NR1D2: variants seen among roughly 807,000 people sequenced by gnomAD.
NR1D2 encodes the protein nuclear receptor subfamily 1 group D member 2, also known as V-erbA-related protein 1-related.
In NR1D2, 25 loss-of-function variants were observed where a neutral mutation model predicts 52.2. The ratio of observed to expected loss-of-function variants is 0.48; its 90% CI spans 0.35 to 0.67. The LOEUF (loss-of-function observed/expected upper bound fraction) is 0.67. Ranked by LOEUF, NR1D2 falls within the 30% of genes least tolerant of loss-of-function variation. The pLI is 0.01. For synonymous variants in NR1D2, 259 were observed against 230.1 expected, an observed-to-expected ratio of 1.13 and a Z score of -1.14; for missense variants, 681 against 707.2, an observed-to-expected ratio of 0.96 and a Z score of 0.42.
At position 23,977,388 on chromosome 3, in the gene NR1D2, A is replaced by G; in HGVS notation, c.1709A>G (p.Glu570Gly). ...CGATCTTTAAACAACATGCACTCTG[A>G]GGAGCTCTTGGCCTTTAAAGTTCAC... is the stretch of plus-strand genomic sequence containing the variant. ...DLRSLNNMHS[E>G]ELLAFKVHP The change falls in exon 8 of 8, where the codon GAG becomes GGG. Residue 570 changes from glutamate to glycine, a missense_variant. This residue lies in a region of NR1D2 where 475 missense variants were observed against 454.5 expected (regional missense o/e 1.05). Coordinates refer to ENST00000312521, the MANE Select transcript of NR1D2 (RefSeq NM_005126.5). 2 of 1,609,076 alleles carry G rather than the reference A, an allele frequency of 1.2e-6. No homozygotes were observed. The highest frequency in any genetic ancestry group is 1.7e-6 in the Non-Finnish European group (2 of 1,178,106).
rs777900202 is a variant in NR1D2 at position 23,967,948 on chromosome 3, A to C, written c.1468A>C (p.Ser490Arg). 1.9e-6 allele frequency: 3 copies of C among 1,614,196 alleles called. No homozygotes were observed. Among genetic ancestry groups the C allele is most frequent in the Admixed American group, 1.7e-5 (1 of 60,028 alleles). The stretch of plus-strand genomic sequence containing the variant: ...TCTGCTAAACTCTATGTTTGAATTT[A>C]GTGAGAAGCTAAATGCCCTCCAACT... ...GDLLNSMFEF[S>R]EKLNALQLSD... The change falls in exon 7 of 8, where the codon AGT (serine) becomes CGT (arginine). Residue 490 changes from serine (S) to arginine (R), a missense_variant. This residue lies in a region of NR1D2 where 475 missense variants were observed against 454.5 expected (regional missense o/e 1.05). Coordinates refer to ENST00000312521, the MANE Select transcript of NR1D2 (RefSeq NM_005126.5).
intron 1 of NR1D2, among the ~76,000 whole-genome samples, chr3:23,951,230 C>T (rs1705922616): frequency 1.3e-5 from 2 of 152,128 alleles, no homozygotes; most frequent in African/African-American, 2.4e-5. Flanking sequence ...AAGTTTATTT[C>T]TTAGCTAAGG....
At position 23,959,825 on chromosome 3, in the gene NR1D2, C is replaced by A. The variant is rs780841458; in HGVS notation, c.517+10C>A. 3 of 1,609,172 alleles carry A rather than the reference C, an allele frequency of 1.9e-6. No homozygotes were observed. The highest frequency in any genetic ancestry group is 2.7e-5 in the African/African-American group (2 of 74,882). ...GGAATGTCAAGAGATGGTATGTTCCCAGTTTAAAGAGTGTTCCTAAAGTGT... is the reference window on the plus strand; with the variant it reads ...GGAATGTCAAGAGATGGTATGTTCCAAGTTTAAAGAGTGTTCCTAAAGTGT... On this transcript the variant is annotated intron_variant, in intron 4 of 7. Transcript: ENST00000312521.
chr3:23,960,977 C>T (rs1486128240), intron 4 of NR1D2, among the ~76,000 whole-genome samples: 1 of 152,138 alleles, frequency 6.6e-6, no homozygotes, highest in Non-Finnish European at 1.5e-5. Context: ...AGACAAGACA[C>T]CTTCTAAGAC....
chr3:23,962,354 G>A lies in NR1D2; in HGVS notation c.895G>A (p.Asp299Asn). 1 of 1,614,104 alleles carries A rather than the reference G, an allele frequency of 6.2e-7. No individual in the cohort carries two copies. The highest frequency in any genetic ancestry group is 8.5e-7 in the Non-Finnish European group (1 of 1,179,992). ...KNMEQYNLNH[D>N]HCGNGLSSHF... Reference sequence around the variant, plus strand: ...CATGGAGCAATATAATTTAAATCATGATCATTGCGGCAATGGGCTTAGCAG... The same window carrying A: ...CATGGAGCAATATAATTTAAATCATAATCATTGCGGCAATGGGCTTAGCAG... The change falls in exon 5 of 8, where the codon GAT becomes AAT. Residue 299 changes from aspartate (D) to asparagine (N), a missense_variant. Physicochemically the swap from Asp to Asn is conservative, Grantham distance 23 (BLOSUM62 1). Coordinates refer to ENST00000312521, the MANE Select transcript of NR1D2 (RefSeq NM_005126.5).
At chr3:23,971,946 A>G (rs1706601838) in intron 7 of NR1D2, among the ~76,000 whole-genome samples, 1 of 152,204 alleles carries the variant, frequency 6.6e-6, no homozygotes, top group African/African-American at 2.4e-5. Context: ...TCACACAGTG[A>G]GGTTGAAATG....
chr3:23,948,673 C>T (rs1445545132), intron 1 of NR1D2, among the ~76,000 whole-genome samples: 1 of 152,206 alleles, frequency 6.6e-6, no homozygotes, highest in African/African-American at 2.4e-5. Flanking sequence ...TTGCCACCAT[C>T]TTAATGATGC....
chr3:23,964,549 C>T (rs1706387929), intron 5 of NR1D2, among the ~76,000 whole-genome samples: 1 of 152,140 alleles, frequency 6.6e-6, no homozygotes, highest in African/African-American at 2.4e-5. Flanking sequence ...ATCACTAAAC[C>T]TCTCAGAGTC....
intron 7 of NR1D2, among the ~76,000 whole-genome samples, chr3:23,976,031 T>G (rs1706715618): frequency 6.6e-6 from 1 of 152,234 alleles, no homozygotes; most frequent in Non-Finnish European, 1.5e-5. Flanking sequence ...CCATTGAATA[T>G]TTTTGTATAC....
intron 7 of NR1D2, among the ~76,000 whole-genome samples, chr3:23,974,783 G>A (rs1706680226): frequency 6.6e-6 from 1 of 150,886 alleles, no homozygotes; most frequent in African/African-American, 2.4e-5. Flanking sequence ...CTGAAAAATT[G>A]TGACCCTCCC....
intron 3 of NR1D2, among the ~76,000 whole-genome samples, chr3:23,959,081 A>G (rs1385354158): frequency 1.3e-5 from 2 of 152,170 alleles, no homozygotes; most frequent in Admixed American, 6.5e-5. Flanking sequence ...CAGCCTAGGC[A>G]ACATGGCAAA....
chr3:23,963,183 C>T (rs777114378), intron 5 of NR1D2: 2 of 986,150 alleles, frequency 2.0e-6, no homozygotes, highest in Non-Finnish European at 2.9e-6. Flanking sequence ...ATCATTGAAG[C>T]TTTTCTATTT....
chr3:23,946,411 G>A (rs951553896), intron 1 of NR1D2: 1 of 552,998 alleles, frequency 1.8e-6, no homozygotes, highest in Non-Finnish European at 2.3e-6. Context: ...TTTCCCGAAG[G>A]GATACGCTCG....
rs755606244 is a variant in NR1D2, at chr3:23,961,991, C to T, written c.532C>T (p.Arg178Cys). The change falls in exon 5 of 8, where the codon CGT becomes TGT. Residue 178 changes from arginine (R) to cysteine (C), a missense_variant. Arg to Cys is a radical substitution (Grantham distance 180). Around this residue, in one of 3 missense-constraint regions of NR1D2, gnomAD observed 112 missense variants for 162.3 expected, o/e 0.69. Coordinates refer to ENST00000312521, the MANE Select transcript of NR1D2 (RefSeq NM_005126.5). ...GMSRDAVRFG[R>C]IPKREKQRML... ...TTCTTCAATAGCTGTTCGGTTTGGT[C>T]GTATTCCTAAGCGTGAAAAACAGAG... is the stretch of plus-strand genomic sequence containing the variant. 1.9e-6 allele frequency: 3 copies of T among 1,604,078 alleles called. No individual in the cohort carries two copies. The highest frequency in any genetic ancestry group is 1.1e-5 in the South Asian group (1 of 90,244).
intron 7 of NR1D2, among the ~76,000 whole-genome samples, chr3:23,970,200 G>A (rs1706549318): frequency 6.6e-6 from 1 of 152,166 alleles, no homozygotes; most frequent in Admixed American, 6.5e-5. Flanking sequence ...GTTAGGTTGA[G>A]AAGCTTTTGA....
chr3:23,949,224 G>A (rs1043227192), intron 1 of NR1D2, among the ~76,000 whole-genome samples: 1 of 152,068 alleles, frequency 6.6e-6, no homozygotes, highest in African/African-American at 2.4e-5. Flanking sequence ...AATTAGCCGG[G>A]TGTGGTGGCG....
intron 7 of NR1D2, among the ~76,000 whole-genome samples, chr3:23,973,347 A>G (rs1706640562): frequency 6.6e-6 from 1 of 152,248 alleles, no homozygotes; most frequent in Non-Finnish European, 1.5e-5. Flanking sequence ...GTTTTATGGT[A>G]TAGCCTATTG....
chr3:23,973,309 TA>T (rs527548286), intron 7 of NR1D2, among the ~76,000 whole-genome samples: 44 of 152,362 alleles, frequency 2.9e-4, no homozygotes, highest in South Asian at 1.9e-3. Context: ...TACATAAACC[TA>T]GATGGTATAT....
chr3:23,945,832 C>T (rs948267211), intron 1 of NR1D2, among the ~76,000 whole-genome samples: 1 of 150,864 alleles, frequency 6.6e-6, no homozygotes, highest in Non-Finnish European at 1.5e-5. Flanking sequence ...CCGGCCCCCC[C>T]CTCACATGGC....
Sources: allele counts gnomAD v4.1 joint callset (sites outside exome capture counted in the v4.1 genomes callset), GRCh38; gene constraint gnomAD v4.1.1; regional missense constraint gnomAD v4.1.1; transcripts MANE v1.5; gene names NCBI Gene and HGNC (gene_info 2026-07-23, HGNC 2026-07-21).